Variants in FBXO34 observed in about 807,000 individuals in gnomAD.
FBXO34 encodes F-box only protein 34.
A neutral mutation model predicts 24.5 loss-of-function variants in FBXO34; 12 were observed. The ratio of observed to expected loss-of-function variants is 0.49; its 90% CI spans 0.31 to 0.79. The LOEUF is 0.79. FBXO34 is among the 30% of genes least tolerant of loss of function. FBXO34 has a pLI of 0.04. For synonymous variants in FBXO34, 320 were observed against 311.9 expected, an observed-to-expected ratio of 1.03 and a Z score of -0.27; for missense variants, 823 against 857.7, an observed-to-expected ratio of 0.96 and a Z score of 0.51.
chr14:55,381,207 G>C, the FBXO34 span, among the ~76,000 whole-genome samples: 3 of 152,026 alleles, frequency 2.0e-5, no homozygotes. Context: ...GGTCACCTTT[G>C]TATCTCCAGC....
At chr14:55,422,986 C>A in the FBXO34 span, among the ~76,000 whole-genome samples, 6 of 151,016 alleles carry the variant, frequency 4.0e-5, no homozygotes, top group African/African-American at 1.5e-4. Flanking sequence ...AAAAAAAAGC[C>A]AACAGGAAAA....
chr14:55,379,640 T>C, the FBXO34 span, among the ~76,000 whole-genome samples: 1 of 152,252 alleles, frequency 6.6e-6, no homozygotes, highest in African/African-American at 2.4e-5. Flanking sequence ...TATGTTTATA[T>C]ATGCTTGAAA....
the FBXO34 span, among the ~76,000 whole-genome samples, chr14:55,433,309 CTTTTT>C: frequency 6.3e-4 from 76 of 119,890 alleles, no homozygotes; most frequent in African/African-American, 2.3e-3. Context: ...TTAGATTTCT[CTTTTT>C]TTTTTTTTTT....
chr14:55,325,664 G>C (rs1021306552), intron 1 of FBXO34, among the ~76,000 whole-genome samples: 4 of 152,022 alleles, frequency 2.6e-5, no homozygotes, highest in Non-Finnish European at 5.9e-5. Flanking sequence ...TAGTAGAGAT[G>C]GGGTTTCTCC....
intron 1 of FBXO34, among the ~76,000 whole-genome samples, chr14:55,275,103 C>T (rs1382815401): frequency 6.6e-6 from 1 of 152,174 alleles, no homozygotes; most frequent in Non-Finnish European, 1.5e-5. Flanking sequence ...AAGCTGATGA[C>T]ATACTTTATT....
chr14:55,435,938 A>C, the FBXO34 span: 3 of 1,555,644 alleles, frequency 1.9e-6, no homozygotes, highest in African/African-American at 2.8e-5. Flanking sequence ...TATATTCCTG[A>C]AGAAATAAGT....
chr14:55,439,509 G>A, the FBXO34 span, among the ~76,000 whole-genome samples: 1 of 151,384 alleles, frequency 6.6e-6, no homozygotes, highest in Non-Finnish European at 1.5e-5. Context: ...CAGGCGGGGG[G>A]CCAGGAGTGG....
At chr14:55,363,776 G>A (rs768070766), downstream of FBXO34, among the ~76,000 whole-genome samples, 1 of 152,076 alleles carries the variant, frequency 6.6e-6, no homozygotes, top group Non-Finnish European at 1.5e-5. Context: ...TAGCTCAGTA[G>A]CTATTGTTAA....
the FBXO34 span, chr14:55,377,884 T>G: frequency 6.2e-7 from 1 of 1,606,568 alleles, no homozygotes; most frequent in African/African-American, 1.3e-5. Context: ...GCAGTGGTTG[T>G]AATTGATCTA....
At chr14:55,416,059 G>C in the FBXO34 span, among the ~76,000 whole-genome samples, 1 of 152,164 alleles carries the variant, frequency 6.6e-6, no homozygotes, top group Non-Finnish European at 1.5e-5. Context: ...ACAGAATTCA[G>C]ATTGGTAGTT....
At chr14:55,398,287 ATT>A in the FBXO34 span, among the ~76,000 whole-genome samples, 30 of 151,806 alleles carry the variant, frequency 2.0e-4, no homozygotes, top group Non-Finnish European at 3.2e-4. Context: ...TTCTATCTTT[ATT>A]TTCTTCTTGC....
chr14:55,351,170 AC>A lies in FBXO34; in HGVS notation c.783del (p.Thr262GlnfsTer22). On this transcript the variant is annotated frameshift_variant, in exon 2 of 2. Transcript: ENST00000313833. LOFTEE classifies it low-confidence loss of function (END_TRUNC). ...SYSAPGACEE[P>X]TERGNLEVGE... ...ATTCTGCCCCAGGAGCTTGTGAAGA[AC>A]CCACAGAAAGGGGAAATCTTGAGGT... 6.2e-7 allele frequency: 1 copy of A among 1,614,182 alleles called. No individual in the cohort carries two copies. Among genetic ancestry groups the A allele is most frequent in the Non-Finnish European group, 8.5e-7 (1 of 1,180,026 alleles).
chr14:55,323,109 C>T (rs1453368925), intron 1 of FBXO34, among the ~76,000 whole-genome samples: 4 of 131,712 alleles, frequency 3.0e-5, no homozygotes, highest in Non-Finnish European at 4.7e-5. Flanking sequence ...GGCGTGAACC[C>T]GGGAGGCAGA....
chr14:55,410,166 CAAG>C, the FBXO34 span, among the ~76,000 whole-genome samples: 1 of 152,108 alleles, frequency 6.6e-6, no homozygotes, highest in Non-Finnish European at 1.5e-5. Flanking sequence ...TGATGGAAAA[CAAG>C]GAGTTCAGTT....
chr14:55,364,106 A>G (rs1326235483), downstream of FBXO34, among the ~76,000 whole-genome samples: 1 of 151,808 alleles, frequency 6.6e-6, no homozygotes, highest in East Asian at 1.9e-4. Context: ...ATGTGCCACC[A>G]TGCCTGGCTA....
intron 1 of FBXO34, among the ~76,000 whole-genome samples, chr14:55,286,713 C>T (rs986721196): frequency 1.3e-5 from 2 of 152,080 alleles, no homozygotes; most frequent in Non-Finnish European, 2.9e-5. Context: ...TTGTTTGTAA[C>T]CCTACAACCC....
chr14:55,339,386 C>A (rs1009923597), intron 1 of FBXO34: 10 of 146,174 alleles, frequency 6.8e-5, no homozygotes, highest in East Asian at 2.2e-4. Context: ...CTGCCCCCCC[C>A]CCCAATCCTG....
chr14:55,278,913 C>T (rs965637826), intron 1 of FBXO34, among the ~76,000 whole-genome samples: 8 of 152,188 alleles, frequency 5.3e-5, no homozygotes, highest in African/African-American at 1.9e-4. Context: ...TCTCGAGTTC[C>T]TGGGCTCAAG....
intron 1 of FBXO34, among the ~76,000 whole-genome samples, chr14:55,324,743 A>T (rs1418877171): frequency 6.6e-6 from 1 of 152,128 alleles, no homozygotes; most frequent in Non-Finnish European, 1.5e-5. Flanking sequence ...AAGGAAAAGA[A>T]GTTTTCCTCT....
Sources: gnomAD v4.1 joint callset for allele counts (sites outside exome capture counted in the v4.1 genomes callset) on GRCh38, gnomAD v4.1.1 for gene constraint, MANE v1.5 for transcripts, NCBI Gene and HGNC (gene_info 2026-07-23, HGNC 2026-07-21) for gene names.